The following GPC5 variants were observed in gnomAD, a reference collection of about 807,000 sequenced individuals.
GPC5 encodes the protein glypican-5.
Under a neutral mutation model 53.9 loss-of-function variants are expected in GPC5, and 47 were observed. The observed-to-expected ratio is 0.87, with a 90% CI of 0.69 to 1.11. The LOEUF is 1.11. Among genes scored for constraint, GPC5 ranks in the 50% most tolerant of loss-of-function variants. GPC5 has a pLI of 0.00. For synonymous variants in GPC5, 286 were observed against 263.3 expected (o/e 1.09, Z -0.84); for missense variants, 748 against 713.1 (o/e 1.05, Z -0.56).
intron 2 of GPC5, among the ~76,000 whole-genome samples, chr13:91,521,662 C>T (rs1040711122): frequency 2.0e-5 from 3 of 152,100 alleles, no homozygotes; most frequent in Non-Finnish European, 4.4e-5. Context: ...AAGAATTCTG[C>T]GATGAAATGT....
intron 6 of GPC5, among the ~76,000 whole-genome samples, chr13:92,018,993 T>C (rs1303634158): frequency 6.6e-6 from 1 of 152,150 alleles, no homozygotes; most frequent in East Asian, 1.9e-4. Context: ...TCTTTGGTAC[T>C]TAATCAATAA....
chr13:92,709,100 T>A (rs1256094685), intron 7 of GPC5, among the ~76,000 whole-genome samples: 1 of 151,528 alleles, frequency 6.6e-6, no homozygotes, highest in Non-Finnish European at 1.5e-5. Flanking sequence ...CAGGCTAGAG[T>A]GCAATGGCAC....
chr13:92,177,375 T>C (rs1226600072), intron 7 of GPC5, among the ~76,000 whole-genome samples: 1 of 152,220 alleles, frequency 6.6e-6, no homozygotes, highest in African/African-American at 2.4e-5. Flanking sequence ...TGTGTTAGCG[T>C]ATCCCATCTC....
intron 7 of GPC5, among the ~76,000 whole-genome samples, chr13:92,527,189 G>GA (rs568856221): frequency 1.1e-4 from 2 of 18,208 alleles, no homozygotes; most frequent in Non-Finnish European, 1.7e-4. Flanking sequence ...AAAGAAGAAA[G>GA]AAAGAAAGAA....
intron 7 of GPC5, among the ~76,000 whole-genome samples, chr13:92,774,930 C>A (rs1237086778): frequency 6.6e-6 from 1 of 152,120 alleles, no homozygotes; most frequent in East Asian, 1.9e-4. Context: ...CCAACATTGA[C>A]AAAAAGAGAC....
At chr13:91,444,824 T>G (rs986624760) in intron 1 of GPC5, among the ~76,000 whole-genome samples, 7 of 152,166 alleles carry the variant, frequency 4.6e-5, no homozygotes, top group African/African-American at 1.7e-4. Flanking sequence ...ATTTAATGAT[T>G]GAGGGGGCAA....
intron 2 of GPC5, among the ~76,000 whole-genome samples, chr13:91,588,038 G>A (rs1414715): frequency 0.48 from 72,915 of 151,904 alleles, 19,636 homozygotes; most frequent in African/African-American, 0.74. Context: ...TGAAACCACT[G>A]CAAATCATCT....
At chr13:92,064,296 T>C (rs999830279) in intron 6 of GPC5, among the ~76,000 whole-genome samples, 1 of 152,204 alleles carries the variant, frequency 6.6e-6, no homozygotes, top group African/African-American at 2.4e-5. Flanking sequence ...CAAATGTAAG[T>C]GCATATAAGC....
intron 6 of GPC5, among the ~76,000 whole-genome samples, chr13:92,100,351 G>A (rs184732943): frequency 9.2e-5 from 14 of 152,196 alleles, no homozygotes; most frequent in East Asian, 1.9e-4. Flanking sequence ...GCCGTGAGCC[G>A]AGATCACAGC....
At chr13:91,830,733 T>C (rs2038642108) in intron 5 of GPC5, among the ~76,000 whole-genome samples, 1 of 145,344 alleles carries the variant, frequency 6.9e-6, no homozygotes. Context: ...TATATGTGTA[T>C]ATATGTATAT....
At chr13:92,098,991 T>G (rs2041444025) in intron 6 of GPC5, among the ~76,000 whole-genome samples, 1 of 151,172 alleles carries the variant, frequency 6.6e-6, no homozygotes, top group African/African-American at 2.4e-5. Context: ...TTTTACCATA[T>G]CTCTATTCAC....
chr13:91,886,360 A>T (rs1028353254), intron 5 of GPC5, among the ~76,000 whole-genome samples: 1 of 152,172 alleles, frequency 6.6e-6, no homozygotes, highest in Non-Finnish European at 1.5e-5. Flanking sequence ...TGTGGGGATT[A>T]TGGGAACTAT....
Position 91,424,976 on chromosome 13 carries a change from G to T in GPC5, c.164-23785G>T, listed in dbSNP as rs564392675. Among the ~76,000 whole-genome samples the T allele has an allele frequency of 6.6e-5, 10 of 152,294 alleles. No homozygotes were observed. The South Asian group carries it at 2.1e-3, about 32-fold the overall frequency. ...CTTGACTAGGATTCAATTAATACTA[G>T]AATCTGGGGTGTAATGAAGGCTGCA... On this transcript the variant is annotated intron_variant, in intron 1 of 7. Coordinates refer to ENST00000377067, the MANE Select transcript of GPC5 (RefSeq NM_004466.6).
At chr13:92,468,145 G>C (rs557419303) in intron 7 of GPC5, among the ~76,000 whole-genome samples, 1 of 152,148 alleles carries the variant, frequency 6.6e-6, no homozygotes, top group Admixed American at 6.6e-5. Context: ...CAAAACATGG[G>C]GGAGAGGCAG....
At chr13:92,596,101 C>G (rs970986121) in intron 7 of GPC5, among the ~76,000 whole-genome samples, 1 of 151,976 alleles carries the variant, frequency 6.6e-6, no homozygotes, top group South Asian at 2.1e-4. Context: ...ATAATTTAAC[C>G]CTCTTAATTT....
chr13:92,507,244 G>T (rs1880405695), intron 7 of GPC5, among the ~76,000 whole-genome samples: 1 of 152,126 alleles, frequency 6.6e-6, no homozygotes, highest in African/African-American at 2.4e-5. Flanking sequence ...CATTGAGTTT[G>T]CCTCTAATCT....
intron 7 of GPC5, among the ~76,000 whole-genome samples, chr13:92,404,970 G>A (rs955746340): frequency 1.3e-5 from 2 of 150,252 alleles, no homozygotes; most frequent in African/African-American, 4.9e-5. Context: ...AATGTATAAG[G>A]AAACCGATCT....
intron 7 of GPC5, among the ~76,000 whole-genome samples, chr13:92,552,082 T>C (rs1882337105): frequency 6.6e-6 from 1 of 151,942 alleles, no homozygotes; most frequent in African/African-American, 2.4e-5. Flanking sequence ...ACTTGTTTAA[T>C]GAAAATCCAT....
chr13:92,213,738 C>G (rs953346227), intron 7 of GPC5, among the ~76,000 whole-genome samples: 1 of 152,138 alleles, frequency 6.6e-6, no homozygotes, highest in African/African-American at 2.4e-5. Flanking sequence ...AAAAGCCCAA[C>G]TCCTAAATAG....
Sources: gnomAD v4.1 joint callset for allele counts (sites outside exome capture counted in the v4.1 genomes callset) on GRCh38, gnomAD v4.1.1 for gene constraint, MANE v1.5 for transcripts, NCBI Gene and HGNC (gene_info 2026-07-23, HGNC 2026-07-21) for gene names.